Variants in PDE6A observed in about 807,000 individuals in gnomAD.
The protein encoded by PDE6A is rod cGMP-specific 3',5'-cyclic phosphodiesterase subunit alpha.
In PDE6A, 84 loss-of-function variants were observed where a neutral mutation model predicts 106.3. The ratio of observed to expected loss-of-function variants is 0.79; its 90% CI spans 0.66 to 0.95. The LOEUF is 0.95. Among genes scored for constraint, PDE6A ranks in the 40% least tolerant of loss-of-function variants. The pLI, the probability that PDE6A is intolerant of heterozygous loss-of-function variation, is 0.00. For synonymous variants in PDE6A, 394 were observed against 386.6 expected (o/e 1.02, Z -0.23); for missense variants, 1,052 against 1,084.9 (o/e 0.97, Z 0.43).
Position 149,931,180 on chromosome 5 carries a change from C to CA in PDE6A, c.718-13dup. ...GACCACAGCAGTATCTGAAAAAACA[C>CA]AAAAACATATTCATAGGTTTTGAGG... On this transcript the variant is annotated splice_polypyrimidine_tract_variant and intron_variant, in intron 3 of 21. Transcript: ENST00000255266. 1 of 1,614,002 alleles carries CA rather than the reference C, an allele frequency of 6.2e-7. No individual in the cohort carries two copies.
At chr5:149,887,472 TAGGCAACAC>T (rs1752355619) in intron 13 of PDE6A, among the ~76,000 whole-genome samples, 1 of 152,104 alleles carries the variant, frequency 6.6e-6, no homozygotes, top group Non-Finnish European at 1.5e-5. Flanking sequence ...AAGATCAGCT[TAGGCAACAC>T]AGCCAGACCC....
Position 149,944,332 on chromosome 5 carries a change from A to G in PDE6A, c.342T>C (p.Asn114=), listed in dbSNP as rs1581217716. 1 of 1,614,158 alleles carries G rather than the reference A, an allele frequency of 6.2e-7. No individual in the cohort carries two copies. The highest frequency in any genetic ancestry group is 8.5e-7 in the Non-Finnish European group (1 of 1,180,018). ...GIAELATRLF[N]VHKDAVLEDC... is the part of the protein sequence containing the mutation. ...CCTCGAGGACAGCATCCTTGTGGAC[A>G]TTGAAAAGCCTGGTGGCCAGCTCTG... The change falls in exon 1 of 22, where the codon AAT becomes AAC. Residue 114 remains asparagine, a synonymous_variant. Coordinates refer to ENST00000255266, the MANE Select transcript of PDE6A (RefSeq NM_000440.3).
At chr5:149,874,169 A>G (rs963488854) in intron 17 of PDE6A, among the ~76,000 whole-genome samples, 1 of 152,160 alleles carries the variant, frequency 6.6e-6, no homozygotes, top group Non-Finnish European at 1.5e-5. Flanking sequence ...TGGGTGTCTT[A>G]CAATTCATTT....
chr5:149,921,425 T>C (rs3733666), intron 5 of PDE6A, among the ~76,000 whole-genome samples: 15,409 of 152,008 alleles, frequency 0.1, 877 homozygotes, highest in African/African-American at 0.15. Flanking sequence ...TTATTGTTGC[T>C]GTTTTTTTTT....
chr5:149,891,874 A>G (rs899655078), intron 13 of PDE6A, among the ~76,000 whole-genome samples: 1 of 152,176 alleles, frequency 6.6e-6, no homozygotes, highest in African/African-American at 2.4e-5. Flanking sequence ...AATCTCAGGC[A>G]ACACATTTCC....
intron 8 of PDE6A, among the ~76,000 whole-genome samples, chr5:149,900,386 T>TATATATATAC (rs1400615665): frequency 8.8e-6 from 1 of 114,142 alleles, no homozygotes; most frequent in Non-Finnish European, 1.7e-5. Context: ...TATATATATA[T>TATATATATAC]ATATATATAT....
chr5:149,878,508 G>C (rs148441433), intron 17 of PDE6A, among the ~76,000 whole-genome samples: 38 of 152,246 alleles, frequency 2.5e-4, no homozygotes, highest in Non-Finnish European at 4.4e-4. Flanking sequence ...GTGCACATGT[G>C]GGAGAATATC....
intron 8 of PDE6A, 148 bp from the exon 9 acceptor site, chr5:149,899,672 C>T (rs1196583252): frequency 2.0e-5 from 17 of 829,742 alleles, no homozygotes; most frequent in Non-Finnish European, 2.7e-5. Flanking sequence ...GTTTAATTAC[C>T]GACAACTACC....
At chr5:149,916,263 A>G (rs1365366128) in intron 5 of PDE6A, among the ~76,000 whole-genome samples, 1 of 152,226 alleles carries the variant, frequency 6.6e-6, no homozygotes, top group Non-Finnish European at 1.5e-5. Flanking sequence ...AAATATAGAG[A>G]TTCGTCTCTG....
chr5:149,928,302 A>G (rs1753929991), intron 4 of PDE6A, among the ~76,000 whole-genome samples: 3 of 138,498 alleles, frequency 2.2e-5, no homozygotes, highest in African/African-American at 8.3e-5. Context: ...GAGTGGCACA[A>G]TCTCGGCTCA....
intron 17 of PDE6A, among the ~76,000 whole-genome samples, chr5:149,876,035 T>C (rs1027152843): frequency 2.0e-5 from 3 of 152,210 alleles, no homozygotes; most frequent in East Asian, 3.8e-4. Flanking sequence ...AAGTCTTTCA[T>C]TGATCGATTT....
intron 8 of PDE6A, among the ~76,000 whole-genome samples, chr5:149,899,897 A>G (rs767656059): frequency 5.9e-5 from 9 of 152,104 alleles, no homozygotes; most frequent in Admixed American, 1.3e-4. Flanking sequence ...TGTAACGTTG[A>G]ATTAATAACC....
intron 13 of PDE6A, among the ~76,000 whole-genome samples, chr5:149,889,906 CAAAA>C (rs577626508): frequency 1.2e-5 from 1 of 81,668 alleles, no homozygotes; most frequent in African/African-American, 4.4e-5. Context: ...GACTCTGTCT[CAAAA>C]AAAAAAAAAA....
At chr5:149,884,304 A>G (rs1229811990) in intron 16 of PDE6A, among the ~76,000 whole-genome samples, 175 bp downstream of exon 16, 1 of 148,192 alleles carries the variant, frequency 6.7e-6, no homozygotes, top group African/African-American at 2.5e-5. Flanking sequence ...ATATGTATAT[A>G]TGTGTATATA....
chr5:149,906,381 CT>C (rs1753180146), intron 7 of PDE6A, among the ~76,000 whole-genome samples: 1 of 151,388 alleles, frequency 6.6e-6, no homozygotes, highest in African/African-American at 2.4e-5. Context: ...CAAAAATTAG[CT>C]GGGTGTGGTG....
chr5:149,931,145 T>G lies in PDE6A; in HGVS notation c.741A>C (p.Lys247Asn), dbSNP rs1216679595. ...CGATGTCCGTAAGTTCTTCAAAGAC[T>G]TTGCTCCCAGACCACAGCAGTATCT... ...RGQILLWSGS[K>N]VFEELTDIER... Residue 247 changes from lysine to asparagine, a missense_variant, in exon 4 of 22, where the codon AAA (lysine) becomes AAC (asparagine). Transcript: ENST00000255266. 1.2e-6 allele frequency: 2 copies of G among 1,614,174 alleles called. No homozygotes were observed. The highest frequency in any genetic ancestry group is 1.7e-6 in the Non-Finnish European group (2 of 1,180,024).
In PDE6A at chr5:149,883,526, T is replaced by G; in HGVS notation, c.2038A>C (p.Met680Leu). ...GACTGATCCACGATCTTTTGGAACA[T>G]CGTCCTCTTCCTACAAAACATATCA... ...DLALYFKKRT[M>L]FQKIVDQSKT... The change falls in exon 17 of 22, where the codon ATG becomes CTG. Residue 680 changes from methionine (M) to leucine (L), a missense_variant. By Grantham distance (15) the Met-to-Leu change is conservative. Coordinates refer to ENST00000255266, the MANE Select transcript of PDE6A (RefSeq NM_000440.3). The G allele has an allele frequency of 6.2e-7, 1 of 1,610,512 alleles. No individual in the cohort carries two copies. The highest frequency in any genetic ancestry group is 8.5e-7 in the Non-Finnish European group (1 of 1,176,840).
At chr5:149,868,018 TGA>T (rs1274214932) in intron 18 of PDE6A, 75 bp downstream of exon 18, 18 of 1,417,252 alleles carry the variant, frequency 1.3e-5, no homozygotes, top group Non-Finnish European at 1.7e-5. Context: ...GGAGCTGGGC[TGA>T]GAGAGTCCAA....
chr5:149,922,296 A>AATTATTATTATT lies in PDE6A; in HGVS notation c.859-599_859-588dup, dbSNP rs142378973. ...AACTGTCATGAATACATTTACAACA[A>AATTATTATTATT]ATTATTATTATTATTATTATTATTA... On this transcript the variant is annotated intron_variant, in intron 4 of 21. Coordinates refer to ENST00000255266, the MANE Select transcript of PDE6A (RefSeq NM_000440.3). 9.0e-3 allele frequency among the ~76,000 whole-genome samples: 1,334 copies of AATTATTATTATT among 148,910 alleles called. 20 individuals carry two copies. The highest frequency in any genetic ancestry group is 0.031 in the African/African-American group (1,255 of 40,440).
Sources: allele counts gnomAD v4.1 joint callset (sites outside exome capture counted in the v4.1 genomes callset), GRCh38; gene constraint gnomAD v4.1.1; transcripts MANE v1.5; gene names NCBI Gene and HGNC (gene_info 2026-07-23, HGNC 2026-07-21).